ALK: variants seen among roughly 807,000 people sequenced by gnomAD.
ALK encodes ALK receptor tyrosine kinase, also known as ALK tyrosine kinase receptor.
ALK carries 74 observed loss-of-function variants against 163.1 expected under a neutral mutation model. The ratio of observed to expected loss-of-function variants is 0.45; its 90% confidence interval spans 0.38 to 0.55. The LOEUF is 0.55. Among genes scored for constraint, ALK ranks in the 20% least tolerant of loss-of-function variants. The probability of loss-of-function intolerance (pLI) is 0.00; values close to 1 mark genes in which losing one functional copy is unlikely to be tolerated. For missense variants in ALK, 2,063 were observed against 2,105.3 expected, an observed-to-expected ratio of 0.98 and a Z score of 0.39; for synonymous variants, 960 against 843.2, an observed-to-expected ratio of 1.14 and a Z score of -2.40.
chr2:29,830,944 A>G (rs1323043033), intron 1 of ALK, among the ~76,000 whole-genome samples: 1 of 47,594 alleles, frequency 2.1e-5, no homozygotes, highest in Non-Finnish European at 3.9e-5. Flanking sequence ...AAGAAGAAGA[A>G]AAGAAGAAGA....
intron 4 of ALK, among the ~76,000 whole-genome samples, chr2:29,404,968 A>G (rs1669545751): frequency 6.6e-6 from 1 of 152,220 alleles, no homozygotes; most frequent in Admixed American, 6.5e-5. Context: ...TGATTGCTCA[A>G]GACTTTTAAA....
intron 26 of ALK, among the ~76,000 whole-genome samples, chr2:29,201,043 A>G (rs1453786360): frequency 6.6e-6 from 1 of 151,872 alleles, no homozygotes; most frequent in Non-Finnish European, 1.5e-5. Context: ...AGCCTTTAAA[A>G]GCTACATTTT....
chr2:29,529,740 A>G (rs1288111570), intron 4 of ALK, among the ~76,000 whole-genome samples: 4 of 152,238 alleles, frequency 2.6e-5, no homozygotes. Context: ...GGAGGTGAGG[A>G]GGCTGGTCCA....
At chr2:29,236,765 AG>A (rs1328090125) in intron 13 of ALK, among the ~76,000 whole-genome samples, 1 of 152,062 alleles carries the variant, frequency 6.6e-6, no homozygotes, top group East Asian at 1.9e-4. Context: ...CTAAATGTTG[AG>A]GGTCCCTTAA....
At chr2:29,371,687 G>A (rs552826146) in intron 5 of ALK, among the ~76,000 whole-genome samples, 18 of 152,272 alleles carry the variant, frequency 1.2e-4, no homozygotes, top group African/African-American at 4.3e-4. Context: ...TTTAGAAACT[G>A]AGCACTTCTC....
Position 29,193,373 on chromosome 2 carries a change from A to G in ALK, c.4714T>C (p.Phe1572Leu), listed in dbSNP as rs2148137392. ...CCACAAGGGAAGTGACGTAGCCTGAACAGAGGTACCTCCTTCATATTGGCA... is the reference window on the plus strand; with the variant it reads ...CCACAAGGGAAGTGACGTAGCCTGAGCAGAGGTACCTCCTTCATATTGGCA... ...LTANMKEVPLFRLRHFPCGNV... is the reference protein window; with the variant it reads ...LTANMKEVPLLRLRHFPCGNV... The change falls in exon 29 of 29, where the codon TTC becomes CTC. Residue 1572 changes from phenylalanine to leucine, a missense_variant. Physicochemically the swap from Phe to Leu is conservative, Grantham distance 22 (BLOSUM62 0). Around this residue, in one of 5 missense-constraint regions of ALK, gnomAD observed 403 missense variants for 366.2 expected, o/e 1.10. Transcript: ENST00000389048. 1 of 1,614,212 alleles carries G rather than the reference A, an allele frequency of 6.2e-7. No individual in the cohort carries two copies. Among genetic ancestry groups the G allele is most frequent in the South Asian group, 1.1e-5 (1 of 91,086 alleles).
chr2:29,708,102 C>G (rs1678966438), intron 2 of ALK, among the ~76,000 whole-genome samples: 2 of 152,212 alleles, frequency 1.3e-5, no homozygotes, highest in Admixed American at 6.5e-5. Flanking sequence ...GAGTTTCGCT[C>G]TGTCACCCAG....
chr2:29,676,071 T>A (rs1677864127), intron 3 of ALK, among the ~76,000 whole-genome samples: 1 of 152,088 alleles, frequency 6.6e-6, no homozygotes, highest in African/African-American at 2.4e-5. Context: ...TATTGATTTG[T>A]AAGAGTTGTT....
At chr2:29,309,412 T>C (rs1234358793) in intron 8 of ALK, among the ~76,000 whole-genome samples, 1 of 152,228 alleles carries the variant, frequency 6.6e-6, no homozygotes, top group Non-Finnish European at 1.5e-5. Flanking sequence ...ACAGTGATTC[T>C]TCCTAGACCT....
Position 29,207,293 on chromosome 2 carries a change from A to C in ALK, c.3837-21T>G, listed in dbSNP as rs754241452. ...TCGCCCTGTGGGGAAGGAGAGGAAAACCAAACTAGGATCTGGAGATGGCAT... is the reference window on the plus strand; with the variant it reads ...TCGCCCTGTGGGGAAGGAGAGGAAACCCAAACTAGGATCTGGAGATGGCAT... On this transcript the variant is annotated intron_variant, in intron 25 of 28. Transcript: ENST00000389048. 11 of 1,587,106 alleles carry C rather than the reference A, an allele frequency of 6.9e-6. No individual in the cohort carries two copies. In the African/African-American group the frequency reaches 1.5e-4, roughly 21 times the overall value.
At chr2:29,705,283 A>C (rs369474283) in intron 2 of ALK, among the ~76,000 whole-genome samples, 14,805 of 50,890 alleles carry the variant, frequency 0.29, 2,511 homozygotes, top group African/African-American at 0.54. Flanking sequence ...ATATATATAA[A>C]TATATATCTG....
At chr2:29,418,534 A>G (rs1669937237) in intron 4 of ALK, among the ~76,000 whole-genome samples, 1 of 152,134 alleles carries the variant, frequency 6.6e-6, no homozygotes, top group African/African-American at 2.4e-5. Context: ...TTCAGTCCTT[A>G]CCCCTCTTAC....
At chr2:29,571,602 C>CTTTTTTTTTTTTTTTTTTTTTTTTTT (rs60429543) in intron 3 of ALK, among the ~76,000 whole-genome samples, 11 of 68,528 alleles carry the variant, frequency 1.6e-4, no homozygotes, top group South Asian at 4.1e-4. Context: ...TGGCTCATAT[C>CTTTTTTTTTTTTTTTTTTTTTTTTTT]TTTTTTTTTT....
At chr2:29,732,900 GTT>G (rs70962236) in intron 1 of ALK, among the ~76,000 whole-genome samples, 96,291 of 146,594 alleles carry the variant, frequency 0.66, 34,293 homozygotes, top group East Asian at 0.8. Flanking sequence ...TAGTCTATAG[GTT>G]TTTTTTTTTT....
intron 3 of ALK, among the ~76,000 whole-genome samples, chr2:29,582,055 A>C (rs1156516304): frequency 6.6e-6 from 1 of 152,180 alleles, no homozygotes; most frequent in Non-Finnish European, 1.5e-5. Context: ...TTCACTGTAC[A>C]AAGCATGGGG....
At chr2:29,461,671 A>G (rs1158256997) in intron 4 of ALK, among the ~76,000 whole-genome samples, 1 of 152,206 alleles carries the variant, frequency 6.6e-6, no homozygotes, top group African/African-American at 2.4e-5. Flanking sequence ...CTTGTTGACA[A>G]TGTACCTGGT....
intron 4 of ALK, among the ~76,000 whole-genome samples, chr2:29,508,733 C>CAAAAAAAAAAAAAAA (rs60719550): frequency 4.6e-5 from 3 of 65,496 alleles, no homozygotes; most frequent in African/African-American, 1.4e-4. Flanking sequence ...ATCTGCAACT[C>CAAAAAAAAAAAAAAA]AAAAAAAAAA....
intron 3 of ALK, chr2:29,681,003 TTTA>T (rs1678047985): frequency 6.6e-6 from 1 of 152,202 alleles, no homozygotes; most frequent in Non-Finnish European, 1.5e-5. Context: ...GGTGCTTATT[TTTA>T]TTTTTACGTT....
intron 3 of ALK, among the ~76,000 whole-genome samples, chr2:29,651,700 G>C (rs935528130): frequency 9.2e-5 from 14 of 152,178 alleles, no homozygotes; most frequent in Non-Finnish European, 1.3e-4. Context: ...GTGACAACTT[G>C]AGAGTCGTTC....
Sources: gnomAD v4.1 joint callset for allele counts (sites outside exome capture counted in the v4.1 genomes callset) on GRCh38, gnomAD v4.1.1 for gene constraint, gnomAD v4.1.1 regional missense constraint, MANE v1.5 for transcripts, NCBI Gene and HGNC (gene_info 2026-07-23, HGNC 2026-07-21) for gene names.